Variants in MEGF11 observed in about 807,000 individuals in gnomAD.
The protein encoded by MEGF11 is multiple epidermal growth factor-like domains protein 11.
A neutral mutation model predicts 146.6 loss-of-function variants in MEGF11; 126 were observed. That is an observed-to-expected ratio of 0.86 (90% CI 0.74 to 1.00). The LOEUF is 1.00. Among genes scored for constraint, MEGF11 ranks in the 50% least tolerant of loss-of-function variants. MEGF11 has a pLI of 0.00. For synonymous variants in MEGF11, 532 were observed against 583.4 expected (o/e 0.91, Z 1.27); for missense variants, 1,509 against 1,521.2 (o/e 0.99, Z 0.13).
At chr15:66,223,037 T>C (rs2091773166) in intron 1 of MEGF11, among the ~76,000 whole-genome samples, 1 of 152,140 alleles carries the variant, frequency 6.6e-6, no homozygotes, top group Non-Finnish European at 1.5e-5. Flanking sequence ...AACCTGTACA[T>C]GAATTTCATA....
chr15:65,977,758 C>T (rs2081500715), intron 7 of MEGF11, among the ~76,000 whole-genome samples: 1 of 151,980 alleles, frequency 6.6e-6, no homozygotes, highest in Non-Finnish European at 1.5e-5. Context: ...CCAGTCTTTT[C>T]TTTGTGTGTG....
intron 3 of MEGF11, among the ~76,000 whole-genome samples, chr15:66,122,998 T>A (rs1238607300): frequency 6.6e-6 from 1 of 152,154 alleles, no homozygotes; most frequent in Admixed American, 6.5e-5. Flanking sequence ...TTAGCCAGGA[T>A]GATCTCGTTC....
chr15:65,966,753 ATTCAAC>A (rs2081114606), intron 8 of MEGF11, among the ~76,000 whole-genome samples: 1 of 152,028 alleles, frequency 6.6e-6, no homozygotes, highest in South Asian at 2.1e-4. Flanking sequence ...AAGGATAATT[ATTCAAC>A]TTCATTTAAC....
At chr15:66,084,797 G>C (rs2086036092) in intron 5 of MEGF11, among the ~76,000 whole-genome samples, 1 of 152,180 alleles carries the variant, frequency 6.6e-6, no homozygotes, top group Non-Finnish European at 1.5e-5. Context: ...GAAGCCTCCT[G>C]GCCATAACTT....
At chr15:65,923,013 G>A (rs536598738) in intron 13 of MEGF11, 44 bp from the exon 14 acceptor site, 39 of 1,595,726 alleles carry the variant, frequency 2.4e-5, no homozygotes, top group Middle Eastern at 1.8e-4. Context: ...AGAGAGGTGA[G>A]GATGAAGGGA....
chr15:66,006,623 G>T (rs936857207), intron 5 of MEGF11, among the ~76,000 whole-genome samples: 8 of 152,192 alleles, frequency 5.3e-5, no homozygotes, highest in Non-Finnish European at 5.9e-5. Context: ...CTCTCTCTCT[G>T]CTGCTGGCAT....
intron 1 of MEGF11, among the ~76,000 whole-genome samples, chr15:66,211,597 A>C (rs2091455093): frequency 6.6e-6 from 1 of 151,190 alleles, no homozygotes; most frequent in African/African-American, 2.4e-5. Context: ...TCAGCCAGTC[A>C]CCGTTCCCTC....
intron 21 of MEGF11, 104 bp downstream of exon 21, chr15:65,911,978 A>C (rs772308032): frequency 1.9e-6 from 1 of 538,664 alleles, no homozygotes. Flanking sequence ...TCAGTTCTAC[A>C]TGGACCCTCC....
intron 10 of MEGF11, among the ~76,000 whole-genome samples, chr15:65,939,596 G>A (rs566428540): frequency 3.9e-4 from 59 of 151,320 alleles, no homozygotes; most frequent in Middle Eastern, 3.4e-3. Context: ...CCGGGTTCAA[G>A]CGATTCTCCT....
At chr15:66,044,870 A>G (rs55988293) in intron 5 of MEGF11, among the ~76,000 whole-genome samples, 6 of 148,452 alleles carry the variant, frequency 4.0e-5, no homozygotes, top group Non-Finnish European at 8.9e-5. Flanking sequence ...AAAAAAAAAA[A>G]AAAAAAAAAA....
intron 10 of MEGF11, among the ~76,000 whole-genome samples, chr15:65,955,761 AAT>A (rs1229131259): frequency 2.2e-3 from 32 of 14,702 alleles, no homozygotes; most frequent in African/African-American, 5.9e-3. Context: ...AAAAAAAAAA[AAT>A]ATATATATAT....
At chr15:66,022,521 C>A (rs1421248546) in intron 5 of MEGF11, among the ~76,000 whole-genome samples, 1 of 152,202 alleles carries the variant, frequency 6.6e-6, no homozygotes, top group Non-Finnish European at 1.5e-5. Context: ...TGCATGCACT[C>A]CAGGTTAAGC....
intron 13 of MEGF11, among the ~76,000 whole-genome samples, chr15:65,926,649 T>G (rs1209072259): frequency 6.6e-6 from 1 of 152,302 alleles, no homozygotes; most frequent in African/African-American, 2.4e-5. Flanking sequence ...TTGGCCCCCT[T>G]CTGCATGACA....
chr15:66,141,879 A>G (rs1176324934), intron 1 of MEGF11, among the ~76,000 whole-genome samples: 1 of 152,110 alleles, frequency 6.6e-6, no homozygotes, highest in Non-Finnish European at 1.5e-5. Flanking sequence ...TGAGGAATCT[A>G]GGGAGAGACT....
chr15:66,103,090 A>T (rs62011851), intron 4 of MEGF11, among the ~76,000 whole-genome samples: 2 of 152,136 alleles, frequency 1.3e-5, no homozygotes, highest in African/African-American at 2.4e-5. Flanking sequence ...CCATCCCAGC[A>T]GCAAATGAGA....
chr15:66,091,495 A>C, intron 5 of MEGF11, among the ~76,000 whole-genome samples: 1 of 152,242 alleles, frequency 6.6e-6, no homozygotes, highest in Non-Finnish European at 1.5e-5. Context: ...TAAATAATTA[A>C]GAGTTCAGGT....
At chr15:66,094,823 C>T (rs1567237466) in intron 4 of MEGF11, among the ~76,000 whole-genome samples, 1 of 152,208 alleles carries the variant, frequency 6.6e-6, no homozygotes, top group Non-Finnish European at 1.5e-5. Flanking sequence ...CCTAAATCCA[C>T]ACCCCTGCTC....
At chr15:66,205,891 A>G (rs1377445548) in intron 1 of MEGF11, among the ~76,000 whole-genome samples, 2 of 152,252 alleles carry the variant, frequency 1.3e-5, no homozygotes, top group Non-Finnish European at 2.9e-5. Flanking sequence ...CCAGGTTTCA[A>G]TACAAAATCA....
chr15:65,902,762 G>C (rs935514080), intron 24 of MEGF11, among the ~76,000 whole-genome samples: 3 of 152,146 alleles, frequency 2.0e-5, no homozygotes, highest in African/African-American at 7.2e-5. Context: ...CCTGGCATTT[G>C]GTCTCATCTG....
Sources: gnomAD v4.1 joint callset for allele counts (sites outside exome capture counted in the v4.1 genomes callset) on GRCh38, gnomAD v4.1.1 for gene constraint, MANE v1.5 for transcripts, NCBI Gene and HGNC (gene_info 2026-07-23, HGNC 2026-07-21) for gene names.